Variants in ZNF423 observed in about 807,000 individuals in gnomAD.
ZNF423 encodes zinc finger protein 423.
ZNF423 carries 12 observed loss-of-function variants against 95.8 expected under a neutral mutation model. That is an observed-to-expected ratio of 0.13 (90% CI 0.08 to 0.20). The LOEUF (loss-of-function observed/expected upper bound fraction) is 0.20, where lower values mean the gene tolerates loss of function less well. Ranked by LOEUF, ZNF423 falls within the 10% of genes least tolerant of loss-of-function variation. ZNF423 has a pLI of 1.00. For missense variants in ZNF423, 1,316 were observed against 1,737.1 expected (o/e 0.76, Z 4.31); for synonymous variants, 749 against 711.9 (o/e 1.05, Z -0.83).
At chr16:49,613,538 A>C (rs1306951579) in intron 5 of ZNF423, among the ~76,000 whole-genome samples, 2 of 152,174 alleles carry the variant, frequency 1.3e-5, no homozygotes, top group East Asian at 1.9e-4. Context: ...AAAAATTTAA[A>C]AATTAGCCAG....
intron 1 of ZNF423, chr16:49,854,679 CTGGAAA>C (rs967939830): frequency 6.1e-6 from 6 of 985,338 alleles, no homozygotes; most frequent in Non-Finnish European, 7.2e-6. Context: ...CAGGCAAGGC[CTGGAAA>C]GGCCAGCCGC....
At chr16:49,552,314 G>A (rs1053170907) in intron 5 of ZNF423, among the ~76,000 whole-genome samples, 1 of 152,192 alleles carries the variant, frequency 6.6e-6, no homozygotes, top group Non-Finnish European at 1.5e-5. Flanking sequence ...TAAAAACTGT[G>A]CAATGAGGAG....
At chr16:49,656,032 C>T (rs561864934) in intron 3 of ZNF423, among the ~76,000 whole-genome samples, 3 of 151,954 alleles carry the variant, frequency 2.0e-5, no homozygotes, top group African/African-American at 7.2e-5. Flanking sequence ...CCCTGGCTAC[C>T]TAGGGACCCG....
In ZNF423 at chr16:49,701,229, G is replaced by A. The variant is rs1170691948; in HGVS notation, c.301+29542C>T. 3.3e-5 allele frequency among the ~76,000 whole-genome samples: 5 copies of A among 152,338 alleles called. No individual in the cohort carries two copies. The East Asian group carries it at 5.8e-4, about 18-fold the overall frequency. Reference sequence around the variant, plus strand: ...CTGAGATGAGTCACACGTGGAAGCCGGTATATGCACGTGTGCGTGCATGCG... The same window carrying A: ...CTGAGATGAGTCACACGTGGAAGCCAGTATATGCACGTGTGCGTGCATGCG... On this transcript the variant is annotated intron_variant, in intron 3 of 7. Transcript: ENST00000563137.
chr16:49,573,308 G>T (rs142506356), intron 5 of ZNF423, among the ~76,000 whole-genome samples: 68 of 152,156 alleles, frequency 4.5e-4, no homozygotes, highest in African/African-American at 1.5e-3. Flanking sequence ...TAAACCATGG[G>T]GTATCTCCTT....
Position 49,603,194 on chromosome 16 carries a change from G to A in ZNF423, c.3601+22976C>T, listed in dbSNP as rs371209132. 5.9e-5 allele frequency among the ~76,000 whole-genome samples: 9 copies of A among 152,150 alleles called. No individual in the cohort carries two copies. The highest frequency in any genetic ancestry group is 4.1e-4 in the South Asian group (2 of 4,830). ...TGCTGCAGTGATCTCTGGCAGGGCCGCCAGGGACCACAATGTAAATGGTGT... is the reference window on the plus strand; with the variant it reads ...TGCTGCAGTGATCTCTGGCAGGGCCACCAGGGACCACAATGTAAATGGTGT... On this transcript the variant is annotated intron_variant, in intron 5 of 7. Transcript: ENST00000563137. This position sits in a 1 kb window ranked among gnomAD's most constrained non-coding sequence, Gnocchi z 4.1.
At chr16:49,802,095 G>A (rs762186866) in intron 1 of ZNF423, among the ~76,000 whole-genome samples, 2 of 152,062 alleles carry the variant, frequency 1.3e-5, no homozygotes, top group Non-Finnish European at 2.9e-5. Context: ...CAATCCTCCC[G>A]CCTCAGCCTC....
rs1313431374 is a variant in ZNF423 at position 49,523,721 on chromosome 16, T to G, written c.3752A>C (p.Lys1251Thr). Residue 1251 changes from lysine to threonine, a missense_variant, in exon 7 of 8, where the codon AAG becomes ACG. Around this residue, in one of 6 missense-constraint regions of ZNF423, gnomAD observed 75 missense variants for 163.5 expected, o/e 0.46. Coordinates refer to ENST00000563137, the MANE Select transcript of ZNF423 (RefSeq NM_001379286.1). ...CACGGCAAAGATGTGCTGCTGCAAC[T>G]TGTTGGCCTGGACGAAGACTAGACA... ...VCFTVFVQAN[K>T]LQQHIFAVHG... is the part of the protein sequence containing the mutation. 6.2e-7 allele frequency: 1 copy of G among 1,613,732 alleles called. No homozygotes were observed. The highest frequency in any genetic ancestry group is 8.5e-7 in the Non-Finnish European group (1 of 1,180,028).
chr16:49,837,036 A>G (rs1204332089), intron 1 of ZNF423, among the ~76,000 whole-genome samples: 1 of 152,110 alleles, frequency 6.6e-6, no homozygotes, highest in Non-Finnish European at 1.5e-5. Flanking sequence ...GCCGGGACAC[A>G]TTGGAGCAAC....
chr16:49,831,049 T>C lies in ZNF423; in HGVS notation c.40+24686A>G, dbSNP rs143372484. On this transcript the variant is annotated intron_variant, in intron 1 of 7. Coordinates refer to ENST00000563137, the MANE Select transcript of ZNF423 (RefSeq NM_001379286.1). ...GCTCCCTGCCAAGAGGAGCTCCAAC[T>C]ATCAGAGATGCAACCCTCTCCCCAG... Among the ~76,000 whole-genome samples, 711 of 152,196 alleles carry C rather than the reference T, an allele frequency of 4.7e-3. 4 individuals carry two copies. Among genetic ancestry groups the C allele is most frequent in the African/African-American group, 0.016 (675 of 41,516 alleles).
At chr16:49,602,953 GAGGAGCGGAAGCTTCCCC>G (rs905099619) in intron 5 of ZNF423, among the ~76,000 whole-genome samples, 2 of 152,228 alleles carry the variant, frequency 1.3e-5, no homozygotes, top group African/African-American at 2.4e-5. Context: ...GATCAGCACC[GAGGAGCGGAAGCTTCCCC>G]AGCAGCGCCC....
chr16:49,497,232 T>TATCCATCCATCCATCCATCC (rs773217573), intron 7 of ZNF423, among the ~76,000 whole-genome samples: 211 of 151,896 alleles, frequency 1.4e-3, no homozygotes, highest in Middle Eastern at 6.8e-3. Context: ...TCTATTCATC[T>TATCCATCCATCCATCCATCC]ATCCATCCAT....
chr16:49,606,879 G>A (rs904134707), intron 5 of ZNF423, among the ~76,000 whole-genome samples: 2 of 152,120 alleles, frequency 1.3e-5, no homozygotes, highest in African/African-American at 2.4e-5. Flanking sequence ...CATGCAAGCC[G>A]TGTGAAGGCC....
chr16:49,771,198 T>C (rs1361401669), intron 2 of ZNF423, among the ~76,000 whole-genome samples: 18 of 139,894 alleles, frequency 1.3e-4, no homozygotes, highest in Non-Finnish European at 6.2e-5. Context: ...TTTTCTTTTT[T>C]TTTTTTTTTT....
In ZNF423 at chr16:49,514,953, C is replaced by A. The variant is rs561223438; in HGVS notation, c.3849+8671G>T. Among the ~76,000 whole-genome samples the A allele has an allele frequency of 2.6e-5, 4 of 152,366 alleles. No homozygotes were observed. The East Asian group carries it at 7.7e-4, about 29-fold the overall frequency. Reference sequence around the variant, plus strand: ...AGGCAGTGCCCCACAGCTCCAAGATCCCAGAAGTTCTATGTCTAAAAAGAC... The same window carrying A: ...AGGCAGTGCCCCACAGCTCCAAGATACCAGAAGTTCTATGTCTAAAAAGAC... On this transcript the variant is annotated intron_variant, in intron 7 of 7. Transcript: ENST00000563137.
intron 3 of ZNF423, among the ~76,000 whole-genome samples, chr16:49,692,421 C>A (rs1017978494): frequency 8.5e-5 from 13 of 152,178 alleles, no homozygotes; most frequent in Admixed American, 7.9e-4. Context: ...CCCAAAAAAA[C>A]CAGAGTGAAG....
In ZNF423 at chr16:49,789,484, T is replaced by A; in HGVS notation, c.100+3A>T. The A allele has an allele frequency of 6.2e-7, 1 of 1,611,898 alleles. No individual in the cohort carries two copies. Among genetic ancestry groups the A allele is most frequent in the Non-Finnish European group, 8.5e-7 (1 of 1,179,306 alleles). On this transcript the variant is annotated splice_donor_region_variant and intron_variant, in intron 2 of 7. Transcript: ENST00000563137. ...ACTCTTCCACCAGCCCCCGGGCATTTACCTGCTGCTGTCACGGAGGAATCC... is the reference window on the plus strand; with the variant it reads ...ACTCTTCCACCAGCCCCCGGGCATTAACCTGCTGCTGTCACGGAGGAATCC...
intron 1 of ZNF423, among the ~76,000 whole-genome samples, chr16:49,819,734 C>G (rs536577757): frequency 2.0e-5 from 3 of 152,050 alleles, no homozygotes; most frequent in Admixed American, 2.0e-4. Flanking sequence ...AGGAATGAGC[C>G]CATCCATGAG....
At chr16:49,503,514 C>T (rs900646910) in intron 7 of ZNF423, among the ~76,000 whole-genome samples, 14 of 152,134 alleles carry the variant, frequency 9.2e-5, no homozygotes, top group African/African-American at 3.1e-4. Context: ...GCAGCACTCC[C>T]GCTATCCAGA....
Sources: allele counts gnomAD v4.1 joint callset (sites outside exome capture counted in the v4.1 genomes callset), GRCh38; gene constraint gnomAD v4.1.1; regional missense constraint gnomAD v4.1.1; non-coding constraint Gnocchi (gnomAD v3.1); transcripts MANE v1.5; gene names NCBI Gene and HGNC (gene_info 2026-07-23, HGNC 2026-07-21).